The following TSC22D1 variants were observed in gnomAD, a reference collection of about 807,000 sequenced individuals.
The protein encoded by TSC22D1 is TSC22 domain family member 1.
TSC22D1 carries 9 observed loss-of-function variants against 74.2 expected under a neutral mutation model. The observed-to-expected ratio is 0.12, with a 90% CI of 0.07 to 0.21. The LOEUF (loss-of-function observed/expected upper bound fraction) is 0.21. TSC22D1 is among the 10% of genes least tolerant of loss of function. The probability of loss-of-function intolerance (pLI) is 1.00; values close to 1 mark genes in which losing one functional copy is unlikely to be tolerated. For missense variants in TSC22D1, 1,427 were observed against 1,304.7 expected (o/e 1.09, Z -1.44); for synonymous variants, 586 against 492.5 (o/e 1.19, Z -2.51).
At chr13:44,570,288 T>G (rs965905633) in intron 1 of TSC22D1, among the ~76,000 whole-genome samples, 1 of 150,936 alleles carries the variant, frequency 6.6e-6, no homozygotes, top group Admixed American at 6.6e-5. Flanking sequence ...CCTCCAGGGC[T>G]CAGGGGATCC....
intron 2 of TSC22D1, chr13:44,435,843 A>T: frequency 1.6e-6 from 1 of 617,458 alleles, no homozygotes; most frequent in Middle Eastern, 2.7e-4. Flanking sequence ...AGACCATTTA[A>T]TACCCGCAGG....
chr13:44,511,619 T>TACACACACAC (rs66743224), intron 1 of TSC22D1, among the ~76,000 whole-genome samples: 17 of 148,072 alleles, frequency 1.1e-4, no homozygotes, highest in African/African-American at 3.3e-4. Flanking sequence ...TAAAAAGAAA[T>TACACACACAC]ACACACACAC....
rs189816650 is a variant in TSC22D1, at chr13:44,557,098, G to A, written c.2912+16065C>T. On this transcript the variant is annotated intron_variant, in intron 1 of 2. Coordinates refer to ENST00000458659, the MANE Select transcript of TSC22D1 (RefSeq NM_183422.4). ...TCAGAGGTTGTGGTGAGCCGAGATC[G>A]CACCATTGCACTCCAGCCTGGGCAA... Among the ~76,000 whole-genome samples the A allele has an allele frequency of 1.2e-3, 182 of 147,774 alleles. 1 individual carries two copies. Among genetic ancestry groups the A allele is most frequent in the Admixed American group, 3.9e-3 (58 of 14,718 alleles).
At chr13:44,435,100 C>T in intron 2 of TSC22D1, 1 of 503,714 alleles carries the variant, frequency 2.0e-6, no homozygotes, top group Non-Finnish European at 3.4e-6. Flanking sequence ...GTCTGTGCTT[C>T]TCTGCAGACG....
At chr13:44,456,004 C>G (rs572832439) in intron 1 of TSC22D1, among the ~76,000 whole-genome samples, 22 of 152,312 alleles carry the variant, frequency 1.4e-4, no homozygotes, top group African/African-American at 5.3e-4. Flanking sequence ...GTACAAGGTG[C>G]AGACAACATA....
chr13:44,439,684 T>C (rs1327236429), intron 1 of TSC22D1, among the ~76,000 whole-genome samples: 1 of 152,246 alleles, frequency 6.6e-6, no homozygotes, highest in Non-Finnish European at 1.5e-5. Context: ...TGGGAACTCA[T>C]ACACATTAAA....
At chr13:44,507,603 A>G (rs752902751) in intron 1 of TSC22D1, among the ~76,000 whole-genome samples, 18 of 152,242 alleles carry the variant, frequency 1.2e-4, no homozygotes, top group South Asian at 6.2e-4. Context: ...GATACTGAAA[A>G]TAGATGAAGC....
At chr13:44,516,375 CT>C in intron 1 of TSC22D1, 1 of 442,298 alleles carries the variant, frequency 2.3e-6, no homozygotes, top group South Asian at 1.8e-5. Context: ...TCTTAATAGT[CT>C]TTTTAAAATC....
At chr13:44,436,273 G>C (rs1163333037) in intron 1 of TSC22D1, 178 bp from the exon 2 acceptor site, 1 of 869,080 alleles carries the variant, frequency 1.2e-6, no homozygotes, top group Non-Finnish European at 1.8e-6. Flanking sequence ...CGAATATCCA[G>C]GCATCTCCCT....
In TSC22D1 at chr13:44,576,078, G is replaced by A; in HGVS notation, c.-4C>T. 1 of 1,540,158 alleles carries A rather than the reference G, an allele frequency of 6.5e-7. No homozygotes were observed. The highest frequency in any genetic ancestry group is 8.7e-7 in the Non-Finnish European group (1 of 1,147,862). ...TGGACTCAGGCGGCTGGTGCATTGT[G>A]TTGGGTACCGGGGGCGCGGAGGAGA... On this transcript the variant is annotated 5_prime_UTR_variant, in exon 1 of 3. Coordinates refer to ENST00000458659, the MANE Select transcript of TSC22D1 (RefSeq NM_183422.4).
intron 1 of TSC22D1, among the ~76,000 whole-genome samples, chr13:44,460,379 T>C (rs1006851966): frequency 5.3e-5 from 8 of 152,218 alleles, no homozygotes; most frequent in Admixed American, 1.3e-4. Flanking sequence ...GATGCCCTTT[T>C]CCATGACACA....
intron 1 of TSC22D1, among the ~76,000 whole-genome samples, chr13:44,465,370 A>G (rs1313389752): frequency 6.6e-6 from 1 of 152,148 alleles, no homozygotes; most frequent in Non-Finnish European, 1.5e-5. Context: ...TTCTAATAGG[A>G]CTCTGTGGGG....
intron 1 of TSC22D1, among the ~76,000 whole-genome samples, chr13:44,514,696 C>CA (rs1303616588): frequency 3.3e-5 from 5 of 152,130 alleles, no homozygotes; most frequent in Admixed American, 2.6e-4. Context: ...CACGTCTCTA[C>CA]AAAAAATATA....
At chr13:44,454,394 TA>T (rs1201138130) in intron 1 of TSC22D1, among the ~76,000 whole-genome samples, 24 of 152,162 alleles carry the variant, frequency 1.6e-4, no homozygotes, top group Non-Finnish European at 2.9e-4. Flanking sequence ...AACATCTATG[TA>T]AGTTAGGAAG....
At chr13:44,436,480 G>T (rs7997320) in intron 1 of TSC22D1, 4 of 1,608,226 alleles carry the variant, frequency 2.5e-6, no homozygotes, top group Admixed American at 3.4e-5. Context: ...TAAATTTAAA[G>T]AAACTATCTT....
At chr13:44,519,590 C>T (rs137894752) in intron 1 of TSC22D1, among the ~76,000 whole-genome samples, 6 of 152,154 alleles carry the variant, frequency 3.9e-5, no homozygotes, top group Admixed American at 2.0e-4. Flanking sequence ...AGGTAAATGG[C>T]GACTCTCAGG....
intron 1 of TSC22D1, among the ~76,000 whole-genome samples, chr13:44,507,628 A>T (rs571565497): frequency 1.1e-3 from 169 of 152,354 alleles, no homozygotes; most frequent in African/African-American, 3.9e-3. Flanking sequence ...ATATAAACAA[A>T]ATTTACAGCT....
intron 1 of TSC22D1, among the ~76,000 whole-genome samples, chr13:44,508,611 CTAT>C (rs1879545635): frequency 6.6e-6 from 1 of 152,174 alleles, no homozygotes; most frequent in Non-Finnish European, 1.5e-5. Context: ...GCACATTAGA[CTAT>C]GTTGCCCACC....
Position 44,575,276 on chromosome 13 carries a change from T to C in TSC22D1, c.799A>G (p.Ser267Gly), listed in dbSNP as rs746682360. ...PVSRKLSTTGSSDSITPVAPT... is the reference protein window; with the variant it reads ...PVSRKLSTTGGSDSITPVAPT... ...GCAACTGGTGTGATACTGTCAGAGCTTCCAGTTGTAGAGAGTTTTCTAGAT... is the reference window on the plus strand; with the variant it reads ...GCAACTGGTGTGATACTGTCAGAGCCTCCAGTTGTAGAGAGTTTTCTAGAT... Residue 267 changes from serine to glycine, a missense_variant, in exon 1 of 3, where the codon AGC becomes GGC. By Grantham distance (56) the Ser-to-Gly change is moderately conservative. Coordinates refer to ENST00000458659, the MANE Select transcript of TSC22D1 (RefSeq NM_183422.4). 2 of 1,614,118 alleles carry C rather than the reference T, an allele frequency of 1.2e-6. No homozygotes were observed. Among genetic ancestry groups the C allele is most frequent in the Non-Finnish European group, 1.7e-6 (2 of 1,180,042 alleles).
Sources: allele counts gnomAD v4.1 joint callset (sites outside exome capture counted in the v4.1 genomes callset), GRCh38; gene constraint gnomAD v4.1.1; transcripts MANE v1.5; gene names NCBI Gene and HGNC (gene_info 2026-07-23, HGNC 2026-07-21).